CASKIN1: variants seen among roughly 807,000 people sequenced by gnomAD.
CASKIN1 encodes the protein caskin-1.
Under a neutral mutation model 117.5 loss-of-function variants are expected in CASKIN1, and 42 were observed. That is an observed-to-expected ratio of 0.36 (90% CI 0.28 to 0.46). The LOEUF is 0.46. Among genes scored for constraint, CASKIN1 ranks in the 20% least tolerant of loss-of-function variants. The pLI is 1.00. For synonymous variants in CASKIN1, 1,148 were observed against 961.7 expected, an observed-to-expected ratio of 1.19 and a Z score of -3.59; for missense variants, 2,083 against 2,077.3, an observed-to-expected ratio of 1.00 and a Z score of -0.05.
intron 6 of CASKIN1, among the ~76,000 whole-genome samples, chr16:2,187,914 C>T (rs775869610): frequency 6.6e-6 from 1 of 151,256 alleles, no homozygotes; most frequent in Non-Finnish European, 1.5e-5. Flanking sequence ...GACGGGGTCT[C>T]ACTCTGTCAC....
chr16:2,190,652 T>C (rs548473504), intron 1 of CASKIN1, among the ~76,000 whole-genome samples: 24 of 152,308 alleles, frequency 1.6e-4, no homozygotes, highest in African/African-American at 5.8e-4. Flanking sequence ...GAGGCAAGGC[T>C]GTGCACCCAC....
At chr16:2,183,589 G>A in intron 16 of CASKIN1, 57 bp downstream of exon 16, 1 of 1,457,354 alleles carries the variant, frequency 6.9e-7, no homozygotes, top group Non-Finnish European at 9.4e-7. Context: ...CAGGTTCTCT[G>A]TCTGTCTGTC....
At chr16:2,186,875 C>A in intron 9 of CASKIN1, 51 bp from the exon 10 acceptor site, 1 of 1,606,514 alleles carries the variant, frequency 6.2e-7, no homozygotes, top group Non-Finnish European at 8.5e-7. Context: ...TTCGCAGAGT[C>A]TCCTGCCCAG....
chr16:2,178,730 A>T lies in CASKIN1; in HGVS notation c.4200-84T>A. 2.9e-6 allele frequency: 4 copies of T among 1,371,664 alleles called. No individual in the cohort carries two copies. In the South Asian group the frequency reaches 5.5e-5, roughly 19 times the overall value. 85.0% of individuals were successfully genotyped at this position (1,371,664 alleles called of 1,614,324 possible). ...CGACCAGGACACGCCCACGTCCCGC[A>T]TCTCCGTCGGCTTCCGCCTACCGCA... is the stretch of plus-strand genomic sequence containing the variant. On this transcript the variant is annotated intron_variant, in intron 19 of 19. Coordinates refer to ENST00000343516, the MANE Select transcript of CASKIN1 (RefSeq NM_020764.4).
chr16:2,178,461 C>T lies in CASKIN1; in HGVS notation c.*89G>A. 1.9e-6 allele frequency: 2 copies of T among 1,074,972 alleles called. No individual in the cohort carries two copies. The highest frequency in any genetic ancestry group is 2.5e-6 in the Non-Finnish European group (2 of 792,790). The allele number at this position is 1,074,972 out of a possible 1,614,324, so 66.6% of individuals were successfully genotyped here. ...TTCTGCAGGGCCCTGCCCGGCCGCT[C>T]GCGCCGCGCCCAGACGCGCCCATCC... On this transcript the variant is annotated 3_prime_UTR_variant, in exon 20 of 20. Transcript: ENST00000343516.
At chr16:2,178,852 ATC>A in intron 19 of CASKIN1, 48 bp downstream of exon 19, 2 of 1,230,948 alleles carry the variant, frequency 1.6e-6, no homozygotes, top group Admixed American at 4.4e-5. Context: ...AGCCCCGCCC[ATC>A]TCTGCCGAGC....
chr16:2,186,411 C>A (rs553306045), intron 10 of CASKIN1, among the ~76,000 whole-genome samples: 1 of 152,338 alleles, frequency 6.6e-6, no homozygotes, highest in East Asian at 1.9e-4. Context: ...ACTTCGCTGT[C>A]CCCTGCCCTC....
intron 10 of CASKIN1, among the ~76,000 whole-genome samples, chr16:2,185,736 C>T (rs1383137144): frequency 2.0e-5 from 3 of 152,234 alleles, no homozygotes; most frequent in Non-Finnish European, 4.4e-5. Context: ...CCAAGGCTCC[C>T]ACTCAGGAGC....
At chr16:2,195,983 A>ATCCGCCTC (rs1366553910) in intron 1 of CASKIN1, among the ~76,000 whole-genome samples, 1 of 148,006 alleles carries the variant, frequency 6.8e-6, no homozygotes, top group African/African-American at 2.5e-5. Context: ...TGGGGGGGGC[A>ATCCGCCTC]TCCGCCTCGC....
chr16:2,178,626 C>T lies in CASKIN1; in HGVS notation c.4220G>A (p.Ser1407Asn). 6.3e-7 allele frequency: 1 copy of T among 1,594,612 alleles called. No homozygotes were observed. Among genetic ancestry groups the T allele is most frequent in the Middle Eastern group, 1.8e-4 (1 of 5,408 alleles). ...QGPRDSAAEK[S>N]TGSILDDIGS... ...GATGTCGTCCAGGATGCTGCCAGTGCTCTTTTCCGCCGCCGAGTCGCTGCG... is the reference window on the plus strand; with the variant it reads ...GATGTCGTCCAGGATGCTGCCAGTGTTCTTTTCCGCCGCCGAGTCGCTGCG... The change falls in exon 20 of 20, where the codon AGC (serine) becomes AAC (asparagine). Residue 1407 changes from serine (S) to asparagine (N), a missense_variant. By Grantham distance (46) the Ser-to-Asn change is conservative. Coordinates refer to ENST00000343516, the MANE Select transcript of CASKIN1 (RefSeq NM_020764.4).
chr16:2,180,233 G>A lies in CASKIN1; in HGVS notation c.3135C>T (p.Ala1045=), dbSNP rs2093162546. 1.3e-6 allele frequency: 2 copies of A among 1,551,830 alleles called. No homozygotes were observed. The highest frequency in any genetic ancestry group is 2.4e-5 in the East Asian group (1 of 41,154). ...PEPGRVATVL[A]SVKHKEAIGP... The stretch of plus-strand genomic sequence containing the variant: ...CGATGGCCTCTTTGTGTTTCACTGA[G>A]GCCAGCACGGTGGCCACCCGGCCCG... Residue 1045 remains alanine, a synonymous_variant, in exon 18 of 20, where the codon GCC becomes GCT. Transcript: ENST00000343516.
At chr16:2,184,671 G>C in intron 14 of CASKIN1, 106 bp downstream of exon 14, 2 of 983,364 alleles carry the variant, frequency 2.0e-6, no homozygotes, top group South Asian at 2.3e-5. Flanking sequence ...CAATGCCCCC[G>C]ACCCCGCCGC....
Position 2,181,260 on chromosome 16 carries a change from A to G in CASKIN1, c.2108T>C (p.Met703Thr), listed in dbSNP as rs749097334. The change falls in exon 18 of 20, where the codon ATG (methionine) becomes ACG (threonine). Residue 703 changes from methionine to threonine, a missense_variant. Met to Thr is a moderately conservative substitution (Grantham distance 81). Around this residue, in one of 3 missense-constraint regions of CASKIN1, gnomAD observed 1,818 missense variants for 1,688.9 expected, o/e 1.08. Transcript: ENST00000343516. ...TCCCAGCAGCTCCTGCGAGCTGCTCATGTGCCGTGCCCGACCACCCAGGCT... is the reference window on the plus strand; with the variant it reads ...TCCCAGCAGCTCCTGCGAGCTGCTCGTGTGCCGTGCCCGACCACCCAGGCT... ...DSSLGGRARHMSSSQELLGDG... is the reference protein window; with the variant it reads ...DSSLGGRARHTSSSQELLGDG... The G allele has an allele frequency of 4.9e-5, 79 of 1,599,804 alleles. No individual in the cohort carries two copies. The highest frequency in any genetic ancestry group is 6.5e-5 in the Non-Finnish European group (77 of 1,178,728).
Position 2,179,154 on chromosome 16 carries a change from CCGGGCGGCTTGGCGAGGGCGG to C in CASKIN1, c.3926_3946del (p.Ala1309_Pro1315del). Reference sequence around the variant, plus strand: ...GCTGGCGCCCAGCGAGGGCGGCGTACCGGGCGGCTTGGCGAGGGCGGCGGGCGGCTGTCGCGCGGGCGAGGG... The same window carrying C: ...GCTGGCGCCCAGCGAGGGCGGCGTACCGGGCGGCTGTCGCGCGGGCGAGGG... On this transcript the variant is annotated inframe_deletion, in exon 19 of 20. Transcript: ENST00000343516. This position sits in a 1 kb window ranked among gnomAD's most constrained non-coding sequence, Gnocchi z 5.8. 2 of 1,076,176 alleles carry C rather than the reference CCGGGCGGCTTGGCGAGGGCGG, an allele frequency of 1.9e-6. No homozygotes were observed. The allele number at this position is 1,076,176 out of a possible 1,614,324, so 66.7% of individuals were successfully genotyped here. A position where few individuals can be genotyped will look rare whatever the true frequency, so the allele number is the denominator to read the frequency against.
intron 3 of CASKIN1, 109 bp downstream of exon 3, chr16:2,189,964 A>C: frequency 9.5e-7 from 1 of 1,054,696 alleles, no homozygotes; most frequent in Non-Finnish European, 1.4e-6. Context: ...GCCTGAAATC[A>C]GACTGAGACC....
Position 2,178,243 on chromosome 16 carries a change from C to A in CASKIN1, c.*307G>T. On this transcript the variant is annotated 3_prime_UTR_variant, in exon 20 of 20. Transcript: ENST00000343516. The stretch of plus-strand genomic sequence containing the variant: ...TGGGCAGTTCTGTGCTGGGCCCGGG[C>A]CTGTGCGCTGCCCCATCCCTGGTCC... The A allele has an allele frequency of 2.4e-6, 1 of 412,170 alleles. No individual in the cohort carries two copies. Among genetic ancestry groups the A allele is most frequent in the Non-Finnish European group, 4.5e-6 (1 of 223,956 alleles). 25.5% of individuals were successfully genotyped at this position (412,170 alleles called of 1,614,324 possible). A position where few individuals can be genotyped will look rare whatever the true frequency, so the allele number is the denominator to read the frequency against.
At chr16:2,187,955 C>G (rs1441245007) in intron 6 of CASKIN1, among the ~76,000 whole-genome samples, 1 of 151,796 alleles carries the variant, frequency 6.6e-6, no homozygotes, top group East Asian at 1.9e-4. Flanking sequence ...GCAGTCATGG[C>G]TTACTGCAGC....
chr16:2,195,939 G>GC (rs2093214440), intron 1 of CASKIN1, among the ~76,000 whole-genome samples: 1 of 148,594 alleles, frequency 6.7e-6, no homozygotes, highest in Non-Finnish European at 1.5e-5. Context: ...CGCCGCAGGG[G>GC]CCCCCTCCCT....
intron 10 of CASKIN1, among the ~76,000 whole-genome samples, chr16:2,185,650 C>T (rs2093181997): frequency 6.6e-6 from 1 of 152,208 alleles, no homozygotes; most frequent in Non-Finnish European, 1.5e-5. Flanking sequence ...GGCAGGGGGC[C>T]AGAGATTGCT....
Sources: allele counts gnomAD v4.1 joint callset (sites outside exome capture counted in the v4.1 genomes callset), GRCh38; gene constraint gnomAD v4.1.1; regional missense constraint gnomAD v4.1.1; non-coding constraint Gnocchi (gnomAD v3.1); transcripts MANE v1.5; gene names NCBI Gene and HGNC (gene_info 2026-07-23, HGNC 2026-07-21).